Variants in KCNJ6 observed in about 807,000 individuals in gnomAD.
KCNJ6 encodes potassium inwardly rectifying channel subfamily J member 6, also known as G protein-activated inward rectifier potassium channel 2.
KCNJ6 carries 9 observed loss-of-function variants against 34.2 expected under a neutral mutation model. That is an observed-to-expected ratio of 0.26 (90% CI 0.16 to 0.46). The LOEUF (loss-of-function observed/expected upper bound fraction) is 0.46. Among genes scored for constraint, KCNJ6 ranks in the 20% least tolerant of loss-of-function variants. The probability of loss-of-function intolerance (pLI) is 1.00; values close to 1 mark genes in which losing one functional copy is unlikely to be tolerated. For missense variants in KCNJ6, 236 were observed against 531.3 expected (o/e 0.44, Z 5.46); for synonymous variants, 196 against 207.1 (o/e 0.95, Z 0.46).
chr21:37,853,846 G>GTGTATA (rs71198897), intron 1 of KCNJ6, among the ~76,000 whole-genome samples: 41 of 115,934 alleles, frequency 3.5e-4, no homozygotes, highest in South Asian at 1.5e-3. Flanking sequence ...ATATATATAT[G>GTGTATA]TATATATATA....
intron 1 of KCNJ6, among the ~76,000 whole-genome samples, chr21:37,891,549 A>T (rs2055762121): frequency 6.6e-6 from 1 of 152,234 alleles, no homozygotes; most frequent in African/African-American, 2.4e-5. Context: ...AGTTAAAAAA[A>T]TCCCTTAATA....
rs1463867613 is a variant in KCNJ6 at position 37,617,583 on chromosome 21, T to G, written c.*7576A>C. ...GTGGGGTGGCTCAAACAAACCAAAC[T>G]CCCAGCCTTACTCAAAAAGAGGGAC... is the stretch of plus-strand genomic sequence containing the variant. On this transcript the variant is annotated 3_prime_UTR_variant, in exon 4 of 4. Transcript: ENST00000609713. 6.6e-6 allele frequency: 1 copy of G among 152,100 alleles called. No homozygotes were observed. Among genetic ancestry groups the G allele is most frequent in the Non-Finnish European group, 1.5e-5 (1 of 68,048 alleles). The allele number at this position is 152,100 out of a possible 1,614,324, so 9.4% of individuals were successfully genotyped here. A position where few individuals can be genotyped will look rare whatever the true frequency, so the allele number is the denominator to read the frequency against.
chr21:37,739,850 G>A (rs1415944095), intron 2 of KCNJ6, among the ~76,000 whole-genome samples: 2 of 151,836 alleles, frequency 1.3e-5, no homozygotes, highest in East Asian at 3.9e-4. Context: ...CCATTGGCTT[G>A]GGTAAATATT....
At chr21:37,674,037 C>T (rs951012219) in intron 3 of KCNJ6, among the ~76,000 whole-genome samples, 2 of 152,198 alleles carry the variant, frequency 1.3e-5, no homozygotes, top group Admixed American at 6.5e-5. Context: ...TAACTGCCCT[C>T]TAGCCAGTGT....
chr21:37,786,607 G>T (rs2055193903), intron 2 of KCNJ6, among the ~76,000 whole-genome samples: 1 of 152,178 alleles, frequency 6.6e-6, no homozygotes. Context: ...TGCAACAAAT[G>T]GTTCCACTTT....
intron 2 of KCNJ6, among the ~76,000 whole-genome samples, chr21:37,755,540 T>A (rs1049747224): frequency 6.6e-6 from 1 of 152,108 alleles, no homozygotes; most frequent in African/African-American, 2.4e-5. Flanking sequence ...GGCAGACTAG[T>A]TGAGGGAAAC....
intron 1 of KCNJ6, among the ~76,000 whole-genome samples, chr21:37,898,969 A>C (rs1280566326): frequency 1.3e-5 from 2 of 152,236 alleles, no homozygotes; most frequent in African/African-American, 4.8e-5. Context: ...AAAGTTTTAA[A>C]TATCCTGCTT....
At chr21:37,732,839 G>A (rs2054892676) in intron 2 of KCNJ6, among the ~76,000 whole-genome samples, 1 of 152,130 alleles carries the variant, frequency 6.6e-6, no homozygotes, top group South Asian at 2.1e-4. Flanking sequence ...AGGGTCCCAG[G>A]TAATTCACCC....
At position 37,660,958 on chromosome 21, in the gene KCNJ6, T is replaced by C. The variant is rs151269372; in HGVS notation, c.947-35474A>G. ...ATCTCTGACAGAAAGTCACATAGGA[T>C]AGAGGTAAGATAGTGTCTTAGTTTC... On this transcript the variant is annotated intron_variant, in intron 3 of 3. Transcript: ENST00000609713. Among the ~76,000 whole-genome samples, 1,060 of 152,324 alleles carry C rather than the reference T, an allele frequency of 7.0e-3. 14 individuals are homozygous for C. Among genetic ancestry groups the C allele is most frequent in the African/African-American group, 0.024 (1,016 of 41,568 alleles).
At chr21:37,708,371 TAG>T (rs1314088127) in intron 3 of KCNJ6, among the ~76,000 whole-genome samples, 2 of 152,186 alleles carry the variant, frequency 1.3e-5, no homozygotes, top group Non-Finnish European at 2.9e-5. Context: ...TGGAGGATTA[TAG>T]AGAGTTTACC....
intron 2 of KCNJ6, among the ~76,000 whole-genome samples, chr21:37,812,854 C>G (rs569267322): frequency 1.1e-3 from 170 of 152,254 alleles, no homozygotes; most frequent in Non-Finnish European, 1.9e-3. Flanking sequence ...AGATCCGGAA[C>G]AAGACAAGGA....
chr21:37,767,012 C>T (rs2055094732), intron 2 of KCNJ6, among the ~76,000 whole-genome samples: 1 of 152,190 alleles, frequency 6.6e-6, no homozygotes, highest in Non-Finnish European at 1.5e-5. Context: ...TTGTCTTCCA[C>T]AAAACTGGTC....
intron 2 of KCNJ6, among the ~76,000 whole-genome samples, chr21:37,776,482 G>A (rs1016945608): frequency 7.9e-5 from 9 of 113,964 alleles, no homozygotes; most frequent in African/African-American, 2.4e-4. Flanking sequence ...TTGGCTGTGG[G>A]TTTGTTCATA....
intron 3 of KCNJ6, among the ~76,000 whole-genome samples, chr21:37,699,076 G>A (rs858005): frequency 0.18 from 26,824 of 152,152 alleles, 2,627 homozygotes; most frequent in East Asian, 0.37. Flanking sequence ...AATGATATGT[G>A]TCCATAAACA....
chr21:37,720,986 C>T (rs984953030), intron 2 of KCNJ6, among the ~76,000 whole-genome samples: 101 of 152,194 alleles, frequency 6.6e-4, no homozygotes, highest in African/African-American at 2.1e-3. Flanking sequence ...GGATTACAGG[C>T]GTGAGCCACC....
At chr21:37,776,474 G>A (rs1454326723) in intron 2 of KCNJ6, among the ~76,000 whole-genome samples, 1 of 115,922 alleles carries the variant, frequency 8.6e-6, no homozygotes, top group East Asian at 2.3e-4. Context: ...GTATGATATT[G>A]GCTGTGGGTT....
intron 1 of KCNJ6, among the ~76,000 whole-genome samples, chr21:37,861,497 C>G (rs1490342548): frequency 6.6e-6 from 1 of 152,184 alleles, no homozygotes; most frequent in African/African-American, 2.4e-5. Context: ...CAGTCCCATT[C>G]TGAGGTACTG....
rs2054272933 is a variant in KCNJ6 at position 37,617,058 on chromosome 21, T to TTTTC, written c.*8097_*8100dup. The TTTTC allele has an allele frequency of 7.4e-5, 4 of 54,416 alleles. No individual in the cohort carries two copies. Among genetic ancestry groups the TTTTC allele is most frequent in the African/African-American group, 2.6e-4 (4 of 15,356 alleles). The allele number at this position is 54,416 out of a possible 1,614,324, so 3.4% of individuals were successfully genotyped here. Reference sequence around the variant, plus strand: ...TTTCTTTCTTTCTTTCTTTCTTTTCTTTTCTTTTCTTTTCTTTTCTTTCTT... The same window carrying TTTTC: ...TTTCTTTCTTTCTTTCTTTCTTTTCTTTTCTTTCTTTTCTTTTCTTTTCTTTCTT... On this transcript the variant is annotated 3_prime_UTR_variant, in exon 4 of 4. Coordinates refer to ENST00000609713, the MANE Select transcript of KCNJ6 (RefSeq NM_002240.5).
chr21:37,805,824 G>A (rs2055290936), intron 2 of KCNJ6, among the ~76,000 whole-genome samples: 1 of 152,170 alleles, frequency 6.6e-6, no homozygotes, highest in Admixed American at 6.5e-5. Context: ...TGATGCGTCT[G>A]CAAGCCAAGG....
Sources: gnomAD v4.1 joint callset for allele counts (sites outside exome capture counted in the v4.1 genomes callset) on GRCh38, gnomAD v4.1.1 for gene constraint, MANE v1.5 for transcripts, NCBI Gene and HGNC (gene_info 2026-07-23, HGNC 2026-07-21) for gene names.